PAPPA: variants seen among roughly 807,000 people sequenced by gnomAD.
PAPPA encodes pappalysin-1.
A neutral mutation model predicts 164.0 loss-of-function variants in PAPPA; 60 were observed. The ratio of observed to expected loss-of-function variants is 0.37; its 90% CI spans 0.30 to 0.45. The LOEUF is 0.45. PAPPA is among the 20% of genes least tolerant of loss of function. The pLI, the probability that PAPPA is intolerant of heterozygous loss-of-function variation, is 1.00. For synonymous variants in PAPPA, 875 were observed against 814.1 expected, an observed-to-expected ratio of 1.07 and a Z score of -1.27; for missense variants, 1,782 against 2,087.3, an observed-to-expected ratio of 0.85 and a Z score of 2.85.
At chr9:116,171,136 T>C (rs547748120) in intron 1 of PAPPA, among the ~76,000 whole-genome samples, 8 of 152,222 alleles carry the variant, frequency 5.3e-5, no homozygotes, top group African/African-American at 1.9e-4. Context: ...ATAGGAAGTT[T>C]GAAATGGAAG....
At position 116,191,491 on chromosome 9, in the gene PAPPA, T is replaced by C. The variant is rs539355284; in HGVS notation, c.1478+3275T>C. 2.6e-5 allele frequency among the ~76,000 whole-genome samples: 4 copies of C among 152,318 alleles called. No homozygotes were observed. In the South Asian group the frequency reaches 8.3e-4, roughly 32 times the overall value. On this transcript the variant is annotated intron_variant, in intron 2 of 21. Transcript: ENST00000328252. The stretch of plus-strand genomic sequence containing the variant: ...AACAGGCATTTATTGGGCATGTCTA[T>C]CCCACCAGCCTTTCTGCTCTTCACT...
At chr9:116,341,747 T>C (rs1846140687) in intron 13 of PAPPA, among the ~76,000 whole-genome samples, 1 of 152,202 alleles carries the variant, frequency 6.6e-6, no homozygotes, top group African/African-American at 2.4e-5. Context: ...AAGCCCCCAG[T>C]GAAGGTCTGT....
intron 20 of PAPPA, among the ~76,000 whole-genome samples, chr9:116,380,737 T>C (rs1846720315): frequency 6.6e-6 from 1 of 152,230 alleles, no homozygotes; most frequent in South Asian, 2.1e-4. Flanking sequence ...TTCCTTGCTC[T>C]CAGAGCTCTG....
rs1181131399 is a variant in PAPPA at position 116,377,627 on chromosome 9, C to T, written c.4657C>T (p.His1553Tyr). ...LKWYPHPALI[H>Y]CVKGCEPFMG... ...GTGGTATCCTCACCCTGCTCTGATT[C>T]ACTGTGTCAAAGGCTGTGAGGTGAG... The change falls in exon 20 of 22, where the codon CAC (histidine) becomes TAC (tyrosine). Residue 1553 changes from histidine to tyrosine, a missense_variant. His to Tyr is a moderately conservative substitution (Grantham distance 83). This residue lies in a region of PAPPA where 1,324 missense variants were observed against 1,656.9 expected (regional missense o/e 0.80). Coordinates refer to ENST00000328252, the MANE Select transcript of PAPPA (RefSeq NM_002581.5). 6.2e-7 allele frequency: 1 copy of T among 1,613,590 alleles called. No individual in the cohort carries two copies. Among genetic ancestry groups the T allele is most frequent in the Non-Finnish European group, 8.5e-7 (1 of 1,179,472 alleles).
chr9:116,342,375 C>T (rs1049875255), intron 13 of PAPPA, among the ~76,000 whole-genome samples: 6 of 152,174 alleles, frequency 3.9e-5, no homozygotes, highest in African/African-American at 1.4e-4. Flanking sequence ...GGAGTTGTCT[C>T]AACAAGTGTT....
intron 21 of PAPPA, among the ~76,000 whole-genome samples, chr9:116,385,823 A>G (rs1316482799): frequency 6.6e-6 from 1 of 152,246 alleles, no homozygotes; most frequent in African/African-American, 2.4e-5. Flanking sequence ...GCACCAGACC[A>G]GGCTGTGGAC....
intron 19 of PAPPA, among the ~76,000 whole-genome samples, chr9:116,374,149 G>GTGCAGATGA (rs1846614633): frequency 1.5e-5 from 1 of 67,136 alleles, no homozygotes. Flanking sequence ...GCAGATGATG[G>GTGCAGATGA]TGGTAGTGTT....
chr9:116,239,559 C>A (rs1182560302), intron 7 of PAPPA, among the ~76,000 whole-genome samples: 1 of 152,076 alleles, frequency 6.6e-6, no homozygotes, highest in Non-Finnish European at 1.5e-5. Flanking sequence ...CTCTGTATGC[C>A]CTACTGAAAT....
intron 2 of PAPPA, among the ~76,000 whole-genome samples, chr9:116,200,479 C>T (rs1844159925): frequency 6.6e-6 from 1 of 152,158 alleles, no homozygotes; most frequent in Non-Finnish European, 1.5e-5. Flanking sequence ...AAAGTGGTGT[C>T]AGCCCTCTTA....
intron 1 of PAPPA, among the ~76,000 whole-genome samples, chr9:116,174,223 A>G (rs12340880): frequency 0.52 from 78,586 of 152,022 alleles, 21,451 homozygotes; most frequent in Non-Finnish European, 0.62. Flanking sequence ...CTGCCTAGAA[A>G]GGTAATTCTG....
At chr9:116,194,674 A>T (rs1844082845) in intron 2 of PAPPA, among the ~76,000 whole-genome samples, 1 of 152,068 alleles carries the variant, frequency 6.6e-6, no homozygotes. Flanking sequence ...ATGTCATGGC[A>T]CTCAAATGGA....
intron 1 of PAPPA, among the ~76,000 whole-genome samples, chr9:116,160,979 A>G (rs992607677): frequency 3.3e-5 from 5 of 152,000 alleles, no homozygotes; most frequent in Non-Finnish European, 7.4e-5. Flanking sequence ...GGTTTGGGGG[A>G]TGGTTACTCT....
chr9:116,373,714 G>C (rs1008673978), intron 19 of PAPPA: 2 of 152,110 alleles, frequency 1.3e-5, no homozygotes, highest in African/African-American at 4.8e-5. Flanking sequence ...AAAAAAGTAA[G>C]CTATTTTATA....
At chr9:116,167,744 C>T (rs1236052049) in intron 1 of PAPPA, among the ~76,000 whole-genome samples, 2 of 152,134 alleles carry the variant, frequency 1.3e-5, no homozygotes, top group Admixed American at 1.3e-4. Context: ...TTGATAGAGC[C>T]AATATTAAGC....
At chr9:116,313,082 C>CA (rs59596284) in intron 10 of PAPPA, among the ~76,000 whole-genome samples, 8,021 of 67,954 alleles carry the variant, frequency 0.12, 652 homozygotes, top group African/African-American at 0.27. Context: ...GACTCCATCT[C>CA]AAAAAAAAAA....
rs75651148 is a variant in PAPPA, at chr9:116,358,794, T to G, written c.4348-3798T>G. Among the ~76,000 whole-genome samples the G allele has an allele frequency of 3.3e-3, 505 of 152,354 alleles. 16 individuals are homozygous for G. In the South Asian group the frequency reaches 0.068, roughly 20 times the overall value. ...ACAGTCAAGAGACATGGTTCTGACA[T>G]TGGCAACCTTTGTGACTTGGGCACA... On this transcript the variant is annotated intron_variant, in intron 17 of 21. Transcript: ENST00000328252.
In PAPPA at chr9:116,188,200, C is replaced by A. The variant is rs1304869654; in HGVS notation, c.1462C>A (p.Pro488Thr). The A allele has an allele frequency of 1.2e-6, 2 of 1,609,854 alleles. No individual in the cohort carries two copies. Among genetic ancestry groups the A allele is most frequent in the Non-Finnish European group, 1.7e-6 (2 of 1,176,628 alleles). Residue 488 changes from proline to threonine, a missense_variant, in exon 2 of 22, where the codon CCC becomes ACC. Physicochemically the swap from Pro to Thr is conservative, Grantham distance 38 (BLOSUM62 -1). Around this residue, in one of 2 missense-constraint regions of PAPPA, gnomAD observed 1,324 missense variants for 1,656.9 expected, o/e 0.80. Transcript: ENST00000328252. ...ITNVTQTCFD[P>T]DSPHRAYLDV... ...CAATGTCACTCAGACTTGCTTTGACCCCGACTCTCCACACAGGTAAGACCT... is the reference window on the plus strand; with the variant it reads ...CAATGTCACTCAGACTTGCTTTGACACCGACTCTCCACACAGGTAAGACCT...
intron 9 of PAPPA, among the ~76,000 whole-genome samples, chr9:116,294,577 C>T (rs1845478328): frequency 6.6e-6 from 1 of 152,160 alleles, no homozygotes; most frequent in African/African-American, 2.4e-5. Context: ...ATAGCCACCT[C>T]CCAGCCCCAC....
intron 1 of PAPPA, among the ~76,000 whole-genome samples, chr9:116,186,321 A>G (rs1843970883): frequency 6.6e-6 from 1 of 151,882 alleles, no homozygotes; most frequent in Non-Finnish European, 1.5e-5. Flanking sequence ...CATCAGTGTA[A>G]GAAGAAAGCT....
Sources: gnomAD v4.1 joint callset for allele counts (sites outside exome capture counted in the v4.1 genomes callset) on GRCh38, gnomAD v4.1.1 for gene constraint, gnomAD v4.1.1 regional missense constraint, MANE v1.5 for transcripts, NCBI Gene and HGNC (gene_info 2026-07-23, HGNC 2026-07-21) for gene names.